OR52A1: variants seen among roughly 807,000 people sequenced by gnomAD.
The protein encoded by OR52A1 is olfactory receptor 52A1.
Under a neutral mutation model 14.3 loss-of-function variants are expected in OR52A1, and 14 were observed. That is an observed-to-expected ratio of 0.98 (90% confidence interval 0.65 to 1.54). The LOEUF is 1.54. Among genes scored for constraint, OR52A1 ranks in the 40% most tolerant of loss-of-function variants. OR52A1 has a pLI of 0.00. For synonymous variants in OR52A1, 151 were observed against 135.3 expected, an observed-to-expected ratio of 1.12 and a Z score of -0.80; for missense variants, 405 against 381.3, an observed-to-expected ratio of 1.06 and a Z score of -0.52.
chr11:5,153,359 A>AT (rs1034586396), intron 1 of OR52A1, among the ~76,000 whole-genome samples: 3 of 152,358 alleles, frequency 2.0e-5, no homozygotes, highest in South Asian at 2.1e-4. Flanking sequence ...TGCTTATATA[A>AT]TTTTGTGAGC....
rs980641634 is a variant in OR52A1 at position 5,152,683 on chromosome 11, T to C, written c.-314A>G. On this transcript the variant is annotated 5_prime_UTR_variant, in exon 2 of 2. Transcript: ENST00000380367. ...GACTACTGGCCAGTCTGTTATTTCT[T>C]TCCAGACCTGTGGACAAAAAAAAAA... The C allele has an allele frequency of 1.9e-5, 5 of 258,294 alleles. No homozygotes were observed. Among genetic ancestry groups the C allele is most frequent in the African/African-American group, 6.7e-5 (3 of 44,732 alleles). 16.0% of individuals were successfully genotyped at this position (258,294 alleles called of 1,614,324 possible).
rs555074812 is a variant in OR52A1 at position 5,149,172 on chromosome 11, T to C, written c.*2259A>G. On this transcript the variant is annotated 3_prime_UTR_variant, in exon 2 of 2. Transcript: ENST00000380367. ...CCTATTTGTTTCTTCTGTTTTCTAT[T>C]AGTAAGTCTCAGCTTGGGACTGATC... 8.5e-5 allele frequency: 13 copies of C among 152,326 alleles called. No homozygotes were observed. Among genetic ancestry groups the C allele is most frequent in the Admixed American group, 1.3e-4 (2 of 15,292 alleles). 9.4% of individuals were successfully genotyped at this position (152,326 alleles called of 1,614,324 possible). A position where few individuals can be genotyped will look rare whatever the true frequency, so the allele number is the denominator to read the frequency against.
Position 5,151,895 on chromosome 11 carries a change from C to A in OR52A1, c.475G>T (p.Ala159Ser). 1 of 1,614,064 alleles carries A rather than the reference C, an allele frequency of 6.2e-7. No homozygotes were observed. Among genetic ancestry groups the A allele is most frequent in the Non-Finnish European group, 8.5e-7 (1 of 1,180,010 alleles). ...MVVLRAAILV[A>S]PCLVLIKCRF... ...CACTTTATCAGTACTAGGCATGGGG[C>A]TACAAGAATAGCAGCCCTGAGTACG... Residue 159 changes from alanine to serine, a missense_variant, in exon 2 of 2, where the codon GCC becomes TCC. By Grantham distance (99) the Ala-to-Ser change is moderately conservative. Coordinates refer to ENST00000380367, the MANE Select transcript of OR52A1 (RefSeq NM_012375.3).
Position 5,151,823 on chromosome 11 carries a change from C to T in OR52A1, c.547G>A (p.Glu183Lys). 12 of 1,614,136 alleles carry T rather than the reference C, an allele frequency of 7.4e-6. No homozygotes were observed. Among genetic ancestry groups the T allele is most frequent in the Non-Finnish European group, 9.3e-6 (11 of 1,180,020 alleles). ...GCTAGTTTCACAATGGCCATATGCT[C>T]ACAGTAGGAGTGGGAGATGACTGTT... The part of the protein sequence containing the change: ...HTTVISHSYC[E>K]HMAIVKLAAA... The change falls in exon 2 of 2, where the codon GAG (glutamate) becomes AAG (lysine). Residue 183 changes from glutamate to lysine, a missense_variant. Transcript: ENST00000380367.
chr11:5,151,013 A>ATT lies in OR52A1; in HGVS notation c.*416_*417dup. On this transcript the variant is annotated 3_prime_UTR_variant, in exon 2 of 2. Coordinates refer to ENST00000380367, the MANE Select transcript of OR52A1 (RefSeq NM_012375.3). ...ACACAGTTAACATGTACTTCCTTTG[A>ATT]TTTTTTTTTTTAAGGCAGGGATGAT... 4 of 147,854 alleles carry ATT rather than the reference A, an allele frequency of 2.7e-5. No homozygotes were observed. The highest frequency in any genetic ancestry group is 2.1e-4 in the South Asian group (1 of 4,686). 9.2% of individuals were successfully genotyped at this position (147,854 alleles called of 1,614,324 possible).
At position 5,148,310 on chromosome 11, in the gene OR52A1, C is replaced by T. The variant is rs1007864207; in HGVS notation, c.*3121G>A. On this transcript the variant is annotated 3_prime_UTR_variant, in exon 2 of 2. Coordinates refer to ENST00000380367, the MANE Select transcript of OR52A1 (RefSeq NM_012375.3). ...GCACCATCTCGGGTCACCGCAACCT[C>T]CGCCCTCCGAGTTCAAGCAATTCTC... The T allele has an allele frequency of 6.6e-6, 1 of 152,016 alleles. No individual in the cohort carries two copies. Among genetic ancestry groups the T allele is most frequent in the Non-Finnish European group, 1.5e-5 (1 of 68,110 alleles). 9.4% of individuals were successfully genotyped at this position (152,016 alleles called of 1,614,324 possible).
chr11:5,153,614 T>C (rs938876046), intron 1 of OR52A1, among the ~76,000 whole-genome samples: 8 of 152,144 alleles, frequency 5.3e-5, no homozygotes, highest in Non-Finnish European at 1.2e-4. Context: ...TTTCTAAAAA[T>C]TACATATTTT....
In OR52A1 at chr11:5,152,024, T is replaced by C. The variant is rs1411258388; in HGVS notation, c.346A>G (p.Ile116Val). The C allele has an allele frequency of 3.1e-6, 5 of 1,613,974 alleles. No homozygotes were observed. The highest frequency in any genetic ancestry group is 4.2e-6 in the Non-Finnish European group (5 of 1,179,986). Residue 116 changes from isoleucine to valine, a missense_variant, in exon 2 of 2, where the codon ATC becomes GTC. Ile to Val is a conservative substitution (Grantham distance 29, BLOSUM62 3). Coordinates refer to ENST00000380367, the MANE Select transcript of OR52A1 (RefSeq NM_012375.3). ...IHTLQGIESG[I>V]LVAMALDRYV... ...CGGTCCAGGGCCATGGCCACAAGGA[T>C]GCCTGACTCTATACCCTGCAATGTG...
Position 5,149,144 on chromosome 11 carries a change from T to C in OR52A1, c.*2287A>G, listed in dbSNP as rs1422707232. 3 of 152,226 alleles carry C rather than the reference T, an allele frequency of 2.0e-5. No individual in the cohort carries two copies. The highest frequency in any genetic ancestry group is 2.9e-5 in the Non-Finnish European group (2 of 68,036). The allele number at this position is 152,226 out of a possible 1,614,324, so 9.4% of individuals were successfully genotyped here. ...CCTGGTTATCCTCTTTTCCTTGTAA[T>C]GACCTATTTGTTTCTTCTGTTTTCT... On this transcript the variant is annotated 3_prime_UTR_variant, in exon 2 of 2. Transcript: ENST00000380367.
rs1489391648 is a variant in OR52A1, at chr11:5,149,554, C to T, written c.*1877G>A. ...TTAGTAGACCTTCTTTAATTAAAGACAATGCAATTATTATTGTTAATATTG... is the reference window on the plus strand; with the variant it reads ...TTAGTAGACCTTCTTTAATTAAAGATAATGCAATTATTATTGTTAATATTG... On this transcript the variant is annotated 3_prime_UTR_variant, in exon 2 of 2. Transcript: ENST00000380367. 1 of 151,922 alleles carries T rather than the reference C, an allele frequency of 6.6e-6. No individual in the cohort carries two copies. Among genetic ancestry groups the T allele is most frequent in the Non-Finnish European group, 1.5e-5 (1 of 67,968 alleles). The allele number at this position is 151,922 out of a possible 1,614,324, so 9.4% of individuals were successfully genotyped here.
At position 5,152,420 on chromosome 11, in the gene OR52A1, T is replaced by C. The variant is rs753660495; in HGVS notation, c.-51A>G. The C allele has an allele frequency of 1.0e-4, 132 of 1,300,772 alleles. 2 individuals are homozygous for C. The Admixed American group carries it at 1.1e-3, about 11-fold the overall frequency. 80.6% of individuals were successfully genotyped at this position (1,300,772 alleles called of 1,614,324 possible). ...ACAAAAGAAGTTTCTCAGTCAGTGT[T>C]ACTGTTCCTCTTCTGCTTTCTGATT... On this transcript the variant is annotated 5_prime_UTR_variant, in exon 2 of 2. Coordinates refer to ENST00000380367, the MANE Select transcript of OR52A1 (RefSeq NM_012375.3).
intron 1 of OR52A1, among the ~76,000 whole-genome samples, chr11:5,153,139 G>A (rs972964098): frequency 3.9e-5 from 6 of 152,170 alleles, no homozygotes; most frequent in African/African-American, 1.4e-4. Context: ...AATATCTAGA[G>A]AGAAGGAACT....
At position 5,151,319 on chromosome 11, in the gene OR52A1, G is replaced by T; in HGVS notation, c.*112C>A. On this transcript the variant is annotated 3_prime_UTR_variant, in exon 2 of 2. Transcript: ENST00000380367. The stretch of plus-strand genomic sequence containing the variant: ...CCATGATGATCTAAAACCAGCTATT[G>T]TGCTGGCAGATTTCACAAACCCAGC... The T allele has an allele frequency of 2.4e-6, 2 of 837,860 alleles. No homozygotes were observed. Among genetic ancestry groups the T allele is most frequent in the Non-Finnish European group, 3.8e-6 (2 of 521,886 alleles). The allele number at this position is 837,860 out of a possible 1,614,324, so 51.9% of individuals were successfully genotyped here.
At position 5,154,668 on chromosome 11, in the gene OR52A1, C is replaced by T. The variant is rs1358268587; in HGVS notation, c.-543G>A. The T allele has an allele frequency of 6.6e-6, 1 of 152,224 alleles. No individual in the cohort carries two copies. The highest frequency in any genetic ancestry group is 1.5e-5 in the Non-Finnish European group (1 of 68,058). 9.4% of individuals were successfully genotyped at this position (152,224 alleles called of 1,614,324 possible). A position where few individuals can be genotyped will look rare whatever the true frequency, so the allele number is the denominator to read the frequency against. On this transcript the variant is annotated 5_prime_UTR_variant, in exon 1 of 2. Coordinates refer to ENST00000380367, the MANE Select transcript of OR52A1 (RefSeq NM_012375.3). ...CTAACACGGACATCTTCTTCTTCTT[C>T]TGGAAGTCTGTCTCAGACCATCTTT...
rs1218775760 is a variant in OR52A1, at chr11:5,150,515, C to G, written c.*916G>C. 6.6e-6 allele frequency: 1 copy of G among 152,154 alleles called. No individual in the cohort carries two copies. The highest frequency in any genetic ancestry group is 1.9e-4 in the East Asian group (1 of 5,198). The allele number at this position is 152,154 out of a possible 1,614,324, so 9.4% of individuals were successfully genotyped here. A position where few individuals can be genotyped will look rare whatever the true frequency, so the allele number is the denominator to read the frequency against. On this transcript the variant is annotated 3_prime_UTR_variant, in exon 2 of 2. Coordinates refer to ENST00000380367, the MANE Select transcript of OR52A1 (RefSeq NM_012375.3). ...CCTTGGCTACTCATCCATCATTCCTCAAGAATCAGAGGTAACTACCTAACC... is the reference window on the plus strand; with the variant it reads ...CCTTGGCTACTCATCCATCATTCCTGAAGAATCAGAGGTAACTACCTAACC...
intron 1 of OR52A1, among the ~76,000 whole-genome samples, chr11:5,153,673 T>C (rs1419201131): frequency 1.3e-5 from 2 of 152,198 alleles, no homozygotes; most frequent in South Asian, 2.1e-4. Flanking sequence ...TGTGATACAG[T>C]GAAAAGTAAA....
rs905850112 is a variant in OR52A1, at chr11:5,152,465, T to C, written c.-96A>G. 13 of 811,750 alleles carry C rather than the reference T, an allele frequency of 1.6e-5. No individual in the cohort carries two copies. The highest frequency in any genetic ancestry group is 2.3e-4 in the Middle Eastern group (1 of 4,298). 50.3% of individuals were successfully genotyped at this position (811,750 alleles called of 1,614,324 possible). A position where few individuals can be genotyped will look rare whatever the true frequency, so the allele number is the denominator to read the frequency against. Reference sequence around the variant, plus strand: ...CTGATTTTCTCCAAACTCATTATATTGAGTCTGTCTGATTTGGGTATAACT... The same window carrying C: ...CTGATTTTCTCCAAACTCATTATATCGAGTCTGTCTGATTTGGGTATAACT... On this transcript the variant is annotated 5_prime_UTR_variant, in exon 2 of 2. Transcript: ENST00000380367.
Position 5,150,623 on chromosome 11 carries a change from T to C in OR52A1, c.*808A>G, listed in dbSNP as rs570530071. 3.9e-5 allele frequency: 6 copies of C among 152,352 alleles called. No individual in the cohort carries two copies. The East Asian group carries it at 1.2e-3, about 29-fold the overall frequency. The allele number at this position is 152,352 out of a possible 1,614,324, so 9.4% of individuals were successfully genotyped here. On this transcript the variant is annotated 3_prime_UTR_variant, in exon 2 of 2. Coordinates refer to ENST00000380367, the MANE Select transcript of OR52A1 (RefSeq NM_012375.3). ...TTCTCTCTGAACTCCACATCCTATG[T>C]GTACACTTGTTATTTCTCTCTTCTT... is the stretch of plus-strand genomic sequence containing the variant.
rs1233718155 is a variant in OR52A1 at position 5,150,691 on chromosome 11, T to A, written c.*740A>T. 4 of 152,280 alleles carry A rather than the reference T, an allele frequency of 2.6e-5. No individual in the cohort carries two copies. The highest frequency in any genetic ancestry group is 9.6e-5 in the African/African-American group (4 of 41,468). 9.4% of individuals were successfully genotyped at this position (152,280 alleles called of 1,614,324 possible). Reference sequence around the variant, plus strand: ...CCCCACCTCTCTTCCTTTCAGTCTCTCTTTTCCAGAATTACATAGGTACAA... The same window carrying A: ...CCCCACCTCTCTTCCTTTCAGTCTCACTTTTCCAGAATTACATAGGTACAA... On this transcript the variant is annotated 3_prime_UTR_variant, in exon 2 of 2. Transcript: ENST00000380367.
Sources: gnomAD v4.1 joint callset for allele counts (sites outside exome capture counted in the v4.1 genomes callset) on GRCh38, gnomAD v4.1.1 for gene constraint, MANE v1.5 for transcripts, NCBI Gene and HGNC (gene_info 2026-07-23, HGNC 2026-07-21) for gene names.